ANKRD13C: variants seen among roughly 807,000 people sequenced by gnomAD.
The protein encoded by ANKRD13C is ankyrin repeat domain 13C, also known as ankyrin repeat domain-containing protein 13C.
Under a neutral mutation model 65.5 loss-of-function variants are expected in ANKRD13C, and 16 were observed. The ratio of observed to expected loss-of-function variants is 0.24; its 90% CI spans 0.17 to 0.37. The LOEUF (loss-of-function observed/expected upper bound fraction) is 0.37, where lower values mean the gene tolerates loss of function less well. Among genes scored for constraint, ANKRD13C ranks in the 10% least tolerant of loss-of-function variants. The probability of loss-of-function intolerance (pLI) is 1.00; values close to 1 mark genes in which losing one functional copy is unlikely to be tolerated. For missense variants in ANKRD13C, 503 were observed against 655.9 expected (o/e 0.77, Z 2.55); for synonymous variants, 235 against 238.7 (o/e 0.98, Z 0.14).
intron 7 of ANKRD13C, among the ~76,000 whole-genome samples, chr1:70,299,679 G>A (rs972231970): frequency 3.9e-5 from 6 of 152,188 alleles, no homozygotes; most frequent in African/African-American, 1.2e-4. Flanking sequence ...ACTGAATAGA[G>A]AATGACATCA....
At chr1:70,281,491 C>T (rs1052561750) in intron 9 of ANKRD13C, among the ~76,000 whole-genome samples, 1 of 149,832 alleles carries the variant, frequency 6.7e-6, no homozygotes, top group South Asian at 2.1e-4. Context: ...CAGCCATGAC[C>T]TCCTGGACTC....
chr1:70,300,244 A>T (rs563261790), intron 7 of ANKRD13C, among the ~76,000 whole-genome samples: 1 of 152,354 alleles, frequency 6.6e-6, no homozygotes, highest in South Asian at 2.1e-4. Context: ...TTGAATTCTC[A>T]GCAGGCTCAA....
intron 9 of ANKRD13C, among the ~76,000 whole-genome samples, chr1:70,287,276 C>A (rs1016873798): frequency 2.6e-5 from 4 of 151,754 alleles, no homozygotes; most frequent in African/African-American, 7.3e-5. Flanking sequence ...CAAGTCTCAC[C>A]GAATTGATCT....
intron 2 of ANKRD13C, among the ~76,000 whole-genome samples, chr1:70,325,436 T>C (rs1360189324): frequency 6.6e-6 from 1 of 152,214 alleles, no homozygotes; most frequent in African/African-American, 2.4e-5. Context: ...TTTCAAATTT[T>C]ATAATTGTTA....
chr1:70,308,275 C>A (rs891907028), intron 5 of ANKRD13C, among the ~76,000 whole-genome samples: 10 of 152,150 alleles, frequency 6.6e-5, no homozygotes, highest in Admixed American at 1.3e-4. Flanking sequence ...GAATTACAGG[C>A]ACAAGCCACC....
intron 9 of ANKRD13C, among the ~76,000 whole-genome samples, chr1:70,283,813 C>G (rs1315234136): frequency 6.7e-6 from 1 of 149,506 alleles, no homozygotes; most frequent in Non-Finnish European, 1.5e-5. Context: ...GACTCCATCT[C>G]AAAAAAGAAA....
intron 11 of ANKRD13C, among the ~76,000 whole-genome samples, chr1:70,272,077 T>A (rs916201227): frequency 6.6e-6 from 1 of 152,220 alleles, no homozygotes; most frequent in African/African-American, 2.4e-5. Flanking sequence ...CATTTCATTT[T>A]ACTGTCTTAT....
At chr1:70,339,962 A>G (rs1408614197) in intron 1 of ANKRD13C, among the ~76,000 whole-genome samples, 2 of 150,308 alleles carry the variant, frequency 1.3e-5, no homozygotes, top group African/African-American at 4.9e-5. Flanking sequence ...TGATCCTCCC[A>G]TCTCAGCCTC....
chr1:70,347,611 A>T (rs1682586313), intron 1 of ANKRD13C, among the ~76,000 whole-genome samples: 1 of 152,206 alleles, frequency 6.6e-6, no homozygotes, highest in South Asian at 2.1e-4. Context: ...ATAGCTCTGC[A>T]GATGTGTTCT....
rs1043397239 is a variant in ANKRD13C, at chr1:70,319,539, G to A, written c.578-3973C>T. On this transcript the variant is annotated intron_variant, in intron 3 of 12. Transcript: ENST00000370944. Reference sequence around the variant, plus strand: ...GGAGAATTGCTTGAATCTGAGAGGCGGAGGCTGCAGAGAGCCAAGATCGCG... The same window carrying A: ...GGAGAATTGCTTGAATCTGAGAGGCAGAGGCTGCAGAGAGCCAAGATCGCG... 1.6e-4 allele frequency among the ~76,000 whole-genome samples: 24 copies of A among 147,780 alleles called. 1 individual carries two copies. The highest frequency in any genetic ancestry group is 1.2e-3 in the East Asian group (6 of 4,826).
chr1:70,285,184 T>C (rs1386527467), intron 9 of ANKRD13C, among the ~76,000 whole-genome samples: 1 of 149,064 alleles, frequency 6.7e-6, no homozygotes, highest in Admixed American at 6.7e-5. Flanking sequence ...TGATTTATAA[T>C]GTCTTTTTTT....
chr1:70,273,193 G>A (rs186286036), intron 11 of ANKRD13C, among the ~76,000 whole-genome samples: 1 of 151,960 alleles, frequency 6.6e-6, no homozygotes, highest in Non-Finnish European at 1.5e-5. Flanking sequence ...GCCTAGATAT[G>A]GGTAAAGCTC....
intron 11 of ANKRD13C, among the ~76,000 whole-genome samples, chr1:70,274,030 A>T (rs1031612651): frequency 6.8e-6 from 1 of 147,664 alleles, no homozygotes; most frequent in African/African-American, 2.7e-5. Flanking sequence ...TTTTTATTTT[A>T]AAAAATGCAA....
chr1:70,267,264 G>C (rs1678669285), intron 12 of ANKRD13C, among the ~76,000 whole-genome samples: 2 of 152,062 alleles, frequency 1.3e-5, no homozygotes, highest in Admixed American at 1.3e-4. Flanking sequence ...ATTAGTGTTT[G>C]CATGATATAT....
intron 2 of ANKRD13C, among the ~76,000 whole-genome samples, chr1:70,330,633 T>C (rs1325128126): frequency 7.7e-6 from 1 of 130,544 alleles, no homozygotes; most frequent in Non-Finnish European, 1.7e-5. Context: ...ATAAAGACGA[T>C]CAAATATAGA....
In ANKRD13C at chr1:70,354,075, C is replaced by G; in HGVS notation, c.334G>C (p.Ala112Pro). Reference protein sequence around the residue: ...AVVADGGSCPAHYPVHECVFK... With the variant: ...AVVADGGSCPPHYPVHECVFK... Reference sequence around the variant, plus strand: ...ACGCACTCGTGCACCGGGTAGTGTGCGGGGCAACTGCCTCCATCCGCGACG... The same window carrying G: ...ACGCACTCGTGCACCGGGTAGTGTGGGGGGCAACTGCCTCCATCCGCGACG... The change falls in exon 1 of 13, where the codon GCA (alanine) becomes CCA (proline). Residue 112 changes from alanine (A) to proline (P), a missense_variant. Ala to Pro is a conservative substitution (Grantham distance 27). Around this residue, in one of 2 missense-constraint regions of ANKRD13C, gnomAD observed 203 missense variants for 177.6 expected, o/e 1.14. Coordinates refer to ENST00000370944, the MANE Select transcript of ANKRD13C (RefSeq NM_030816.5). 2.5e-6 allele frequency: 4 copies of G among 1,609,570 alleles called. No homozygotes were observed. Among genetic ancestry groups the G allele is most frequent in the Non-Finnish European group, 3.4e-6 (4 of 1,177,312 alleles).
chr1:70,281,646 C>T (rs1001859113), intron 9 of ANKRD13C, among the ~76,000 whole-genome samples: 1 of 151,644 alleles, frequency 6.6e-6, no homozygotes, highest in African/African-American at 2.4e-5. Flanking sequence ...CTCAAGCAAT[C>T]CTCCCACCTT....
At chr1:70,328,577 G>A (rs1391921161) in intron 2 of ANKRD13C, among the ~76,000 whole-genome samples, 5 of 152,104 alleles carry the variant, frequency 3.3e-5, no homozygotes, top group Admixed American at 6.5e-5. Context: ...CAGAAGAATC[G>A]TTTGAACCCT....
At chr1:70,288,947 A>T (rs533161100) in intron 9 of ANKRD13C, among the ~76,000 whole-genome samples, 8 of 152,336 alleles carry the variant, frequency 5.3e-5, no homozygotes, top group African/African-American at 1.9e-4. Flanking sequence ...GTGAATTTAC[A>T]ATATTTCAAA....
Sources: gnomAD v4.1 joint callset for allele counts (sites outside exome capture counted in the v4.1 genomes callset) on GRCh38, gnomAD v4.1.1 for gene constraint, gnomAD v4.1.1 regional missense constraint, MANE v1.5 for transcripts, NCBI Gene and HGNC (gene_info 2026-07-23, HGNC 2026-07-21) for gene names.